The following STAB2 variants were observed in gnomAD, a reference collection of about 807,000 sequenced individuals.
The protein encoded by STAB2 is stabilin 2, also known as stabilin-2.
STAB2 carries 288 observed loss-of-function variants against 338.1 expected under a neutral mutation model. That is an observed-to-expected ratio of 0.85 (90% CI 0.77 to 0.94). STAB2 has a LOEUF of 0.94. Ranked by LOEUF, STAB2 falls within the 40% of genes least tolerant of loss-of-function variation. STAB2 has a pLI of 0.00. For synonymous variants in STAB2, 1,202 were observed against 1,193.3 expected (o/e 1.01, Z -0.15); for missense variants, 3,141 against 3,210.1 (o/e 0.98, Z 0.52).
Position 103,712,472 on chromosome 12 carries a change from G to GC in STAB2, c.4411+29_4411+30insC, listed in dbSNP as rs1879956048. On this transcript the variant is annotated intron_variant, in intron 41 of 68. Transcript: ENST00000388887. The stretch of plus-strand genomic sequence containing the variant: ...AGCGAAGGAAGGAATTTGCTGGGGG[G>GC]GCTGGCAAGGCTTGCACAGGCTATT... 3.8e-6 allele frequency: 6 copies of GC among 1,561,788 alleles called. No homozygotes were observed. The South Asian group carries it at 6.7e-5, about 17-fold the overall frequency.
At chr12:103,700,094 T>G (rs1878732364) in intron 34 of STAB2, among the ~76,000 whole-genome samples, 1 of 152,240 alleles carries the variant, frequency 6.6e-6, no homozygotes, top group Non-Finnish European at 1.5e-5. Context: ...GGTATTCTAG[T>G]GTTCATCTCA....
At chr12:103,642,980 G>C (rs1046520514) in intron 9 of STAB2, among the ~76,000 whole-genome samples, 1 of 152,080 alleles carries the variant, frequency 6.6e-6, no homozygotes, top group East Asian at 1.9e-4. Context: ...TGGTCTGTTT[G>C]GGTTGCTATA....
chr12:103,715,176 A>G (rs1172001353), intron 42 of STAB2, among the ~76,000 whole-genome samples: 1 of 152,188 alleles, frequency 6.6e-6, no homozygotes, highest in Non-Finnish European at 1.5e-5. Flanking sequence ...CAGGTTATAC[A>G]TTCAAGGCCC....
At chr12:103,604,872 C>T (rs2138575091) in intron 3 of STAB2, among the ~76,000 whole-genome samples, 1 of 151,460 alleles carries the variant, frequency 6.6e-6, no homozygotes, top group Admixed American at 6.6e-5. Flanking sequence ...CTATCTTCTG[C>T]TTGCTTGGGT....
chr12:103,709,919 C>G (rs975562435), intron 39 of STAB2, among the ~76,000 whole-genome samples: 1 of 152,136 alleles, frequency 6.6e-6, no homozygotes, highest in Non-Finnish European at 1.5e-5. Flanking sequence ...ACCCCACCAC[C>G]CATGCACCTG....
chr12:103,722,232 G>A (rs535061638), intron 44 of STAB2, among the ~76,000 whole-genome samples: 9 of 152,294 alleles, frequency 5.9e-5, no homozygotes, highest in Middle Eastern at 3.4e-3. Context: ...AGTACTTACG[G>A]AGAAGCCTCA....
Position 103,703,128 on chromosome 12 carries a change from T to A in STAB2, c.3715-20T>A, listed in dbSNP as rs759056470. ...TCTTTAAATGTCATAAAAAGTGACA[T>A]TTAACCCTGTTGTTCACAGCTCTAT... is the stretch of plus-strand genomic sequence containing the variant. On this transcript the variant is annotated intron_variant, in intron 34 of 68. Coordinates refer to ENST00000388887, the MANE Select transcript of STAB2 (RefSeq NM_017564.10). 3 of 1,607,568 alleles carry A rather than the reference T, an allele frequency of 1.9e-6. No homozygotes were observed. Among genetic ancestry groups the A allele is most frequent in the Non-Finnish European group, 2.5e-6 (3 of 1,178,342 alleles).
intron 43 of STAB2, 102 bp from the exon 44 acceptor site, chr12:103,717,668 C>A: frequency 2.2e-6 from 2 of 909,564 alleles, no homozygotes; most frequent in South Asian, 1.4e-5. Flanking sequence ...ACTCTCCTAA[C>A]ATTACCATGA....
chr12:103,685,459 T>TGTGTGTGTGTGTGTGTGC (rs746468070), intron 27 of STAB2, among the ~76,000 whole-genome samples: 16 of 135,664 alleles, frequency 1.2e-4, no homozygotes, highest in East Asian at 5.1e-4. Flanking sequence ...TGTGTGCGCG[T>TGTGTGTGTGTGTGTGTGC]GCGTGTGTGT....
intron 25 of STAB2, among the ~76,000 whole-genome samples, chr12:103,678,682 A>G (rs1366338675): frequency 6.6e-6 from 1 of 151,778 alleles, no homozygotes; most frequent in African/African-American, 2.4e-5. Context: ...ACCCACCACC[A>G]CGCCTGGCTA....
chr12:103,663,358 A>C (rs1164592561), intron 18 of STAB2, among the ~76,000 whole-genome samples: 1 of 151,968 alleles, frequency 6.6e-6, no homozygotes, highest in African/African-American at 2.4e-5. Flanking sequence ...CTCCCTCTGA[A>C]GGCTCTAGGG....
chr12:103,616,095 T>C (rs944350172), intron 3 of STAB2, among the ~76,000 whole-genome samples: 1 of 152,168 alleles, frequency 6.6e-6, no homozygotes, highest in Non-Finnish European at 1.5e-5. Context: ...GCCTAAATTT[T>C]TTAAAAGAAA....
intron 13 of STAB2, chr12:103,654,903 G>C (rs779608010): frequency 1.6e-5 from 10 of 630,020 alleles, no homozygotes; most frequent in Non-Finnish European, 2.5e-5. Context: ...AGTAACATAT[G>C]TGGGAAAGAT....
At chr12:103,656,358 A>G (rs570398809) in intron 15 of STAB2, among the ~76,000 whole-genome samples, 13 of 152,320 alleles carry the variant, frequency 8.5e-5, no homozygotes, top group Admixed American at 3.3e-4. Context: ...ATGTGGAGAG[A>G]AGGAGGAAAG....
At chr12:103,750,540 G>A (rs762897431) in intron 59 of STAB2, 39 bp from the exon 60 acceptor site, 2 of 1,609,180 alleles carry the variant, frequency 1.2e-6, no homozygotes, top group Non-Finnish European at 1.7e-6. Flanking sequence ...GGGTCCTAGA[G>A]AAGGAACTTT....
At chr12:103,596,351 A>T (rs1480591073) in intron 3 of STAB2, among the ~76,000 whole-genome samples, 1 of 152,228 alleles carries the variant, frequency 6.6e-6, no homozygotes, top group East Asian at 1.9e-4. Context: ...TGTCCGACAT[A>T]TGAATGTCAG....
At chr12:103,610,882 GT>G (rs752677934) in intron 3 of STAB2, among the ~76,000 whole-genome samples, 2 of 152,166 alleles carry the variant, frequency 1.3e-5, no homozygotes, top group African/African-American at 2.4e-5. Context: ...ATTCTGGTAT[GT>G]TGTGTCTTTG....
intron 17 of STAB2, among the ~76,000 whole-genome samples, chr12:103,661,952 T>C (rs1223872127): frequency 6.6e-6 from 1 of 152,028 alleles, no homozygotes; most frequent in African/African-American, 2.4e-5. Flanking sequence ...AGGCTCTTAC[T>C]TGGAATGAGA....
chr12:103,715,303 A>G (rs1167877454), intron 42 of STAB2, among the ~76,000 whole-genome samples: 1 of 151,484 alleles, frequency 6.6e-6, no homozygotes, highest in Non-Finnish European at 1.5e-5. Flanking sequence ...TTTCCATTAT[A>G]CAGTTATTTT....
Sources: gnomAD v4.1 joint callset for allele counts (sites outside exome capture counted in the v4.1 genomes callset) on GRCh38, gnomAD v4.1.1 for gene constraint, MANE v1.5 for transcripts, NCBI Gene and HGNC (gene_info 2026-07-23, HGNC 2026-07-21) for gene names.